NFXL1: variants seen among roughly 807,000 people sequenced by gnomAD.
The protein encoded by NFXL1 is nuclear transcription factor, X-box binding like 1.
NFXL1 carries 66 observed loss-of-function variants against 123.3 expected under a neutral mutation model. That is an observed-to-expected ratio of 0.54 (90% confidence interval 0.44 to 0.66). The LOEUF is 0.66. Ranked by LOEUF, NFXL1 falls within the 30% of genes least tolerant of loss-of-function variation. The pLI, the probability that NFXL1 is intolerant of heterozygous loss-of-function variation, is 0.00. For missense variants in NFXL1, 944 were observed against 1,125.6 expected (o/e 0.84, Z 2.31); for synonymous variants, 346 against 360.8 (o/e 0.96, Z 0.46).
chr4:47,885,330 C>T (rs1736360983), intron 14 of NFXL1, among the ~76,000 whole-genome samples, 168 bp downstream of exon 14: 1 of 152,146 alleles, frequency 6.6e-6, no homozygotes, highest in African/African-American at 2.4e-5. Flanking sequence ...TCCTTTCCTA[C>T]ACTGTGAGTT....
At chr4:47,875,427 C>T (rs1449134811) in intron 17 of NFXL1, 134 bp from the exon 18 acceptor site, 14 of 560,828 alleles carry the variant, frequency 2.5e-5, no homozygotes, top group Admixed American at 3.5e-5. Flanking sequence ...GTTAATCAAA[C>T]GGTACATGCT....
intron 15 of NFXL1, among the ~76,000 whole-genome samples, chr4:47,879,340 C>CA (rs1351000972): frequency 1.3e-5 from 2 of 151,876 alleles, no homozygotes; most frequent in African/African-American, 2.4e-5. Context: ...TACATTAGCA[C>CA]AAAAAATGAA....
At chr4:47,888,069 A>G (rs1209459961) in intron 12 of NFXL1, among the ~76,000 whole-genome samples, 1 of 152,110 alleles carries the variant, frequency 6.6e-6, no homozygotes, top group African/African-American at 2.4e-5. Context: ...AGGTCAGGAG[A>G]TCGAGACCAT....
intron 18 of NFXL1, among the ~76,000 whole-genome samples, chr4:47,870,135 G>T (rs1299900077): frequency 6.6e-6 from 1 of 152,008 alleles, no homozygotes; most frequent in Non-Finnish European, 1.5e-5. Context: ...TAATCCCAAT[G>T]ATACTACATA....
Position 47,898,002 on chromosome 4 carries a change from C to A in NFXL1, c.1169G>T (p.Arg390Leu), listed in dbSNP as rs372423597. ...CHVGACGECP[R>L]SGKRFCPCQK... ...ACATGGACAGAACCTTTTCCCAGAT[C>A]GAGGACATTCTCCACAAGCACCAAC... is the stretch of plus-strand genomic sequence containing the variant. Residue 390 changes from arginine (R) to leucine (L), a missense_variant, in exon 9 of 23, where the codon CGA becomes CTA. Coordinates refer to ENST00000507489, the MANE Select transcript of NFXL1 (RefSeq NM_001278624.2). The A allele has an allele frequency of 1.9e-6, 3 of 1,611,810 alleles. No individual in the cohort carries two copies. Among genetic ancestry groups the A allele is most frequent in the Non-Finnish European group, 1.7e-6 (2 of 1,179,078 alleles).
At chr4:47,847,239 A>G (rs982803913), downstream of NFXL1, 2 of 152,152 alleles carry the variant, frequency 1.3e-5, no homozygotes, top group Non-Finnish European at 2.9e-5. Context: ...TAGATTACAA[A>G]TTTGGTATCA....
chr4:47,868,783 A>G (rs537034367), intron 18 of NFXL1, among the ~76,000 whole-genome samples: 19 of 152,386 alleles, frequency 1.2e-4, no homozygotes, highest in Non-Finnish European at 1.5e-4. Flanking sequence ...AAGGGGATGC[A>G]TAAGAATTCA....
intron 15 of NFXL1, among the ~76,000 whole-genome samples, chr4:47,881,830 A>G: frequency 6.6e-6 from 1 of 152,222 alleles, no homozygotes; most frequent in East Asian, 1.9e-4. Context: ...GGAAAAGGCA[A>G]AACTACAGAG....
chr4:47,898,800 A>G lies in NFXL1; in HGVS notation c.1046T>C (p.Val349Ala). The G allele has an allele frequency of 6.2e-7, 1 of 1,613,892 alleles. No homozygotes were observed. Among genetic ancestry groups the G allele is most frequent in the Non-Finnish European group, 8.5e-7 (1 of 1,179,840 alleles). ...TGGACTTGCACAACTTCTTTCAGCT[A>G]CTTTTTTGCCACAGACACACTTTTG... is the stretch of plus-strand genomic sequence containing the variant. ...SRQKCVCGKK[V>A]AERSCASPLW... The change falls in exon 8 of 23, where the codon GTA (valine) becomes GCA (alanine). Residue 349 changes from valine to alanine, a missense_variant. Transcript: ENST00000507489.
intron 17 of NFXL1, among the ~76,000 whole-genome samples, chr4:47,876,745 T>C (rs1735779261): frequency 6.6e-6 from 1 of 152,102 alleles, no homozygotes; most frequent in South Asian, 2.1e-4. Flanking sequence ...ACTGCAGAAA[T>C]CTAAGTCAAA....
chr4:47,913,565 ATAAC>A (rs2110113383), intron 2 of NFXL1, among the ~76,000 whole-genome samples: 2 of 152,364 alleles, frequency 1.3e-5, no homozygotes, highest in African/African-American at 4.8e-5. Flanking sequence ...ATGCACAAAG[ATAAC>A]TAAAGCCACA....
chr4:47,857,898 G>A (rs1479215645), intron 19 of NFXL1, among the ~76,000 whole-genome samples: 1 of 152,128 alleles, frequency 6.6e-6, no homozygotes, highest in African/African-American at 2.4e-5. Flanking sequence ...CAGAGATCCT[G>A]CCTTTCCCAA....
At chr4:47,901,807 G>T (rs953624724) in intron 5 of NFXL1, among the ~76,000 whole-genome samples, 2 of 152,158 alleles carry the variant, frequency 1.3e-5, no homozygotes, top group African/African-American at 4.8e-5. Flanking sequence ...GGTAACAGGA[G>T]AATAAAATCT....
chr4:47,852,065 A>G, intron 20 of NFXL1, 123 bp from the exon 21 acceptor site: 2 of 581,342 alleles, frequency 3.4e-6, no homozygotes, highest in South Asian at 4.6e-5. Flanking sequence ...TTAATATTTA[A>G]TGATGATATA....
chr4:47,890,844 C>A, intron 11 of NFXL1, 141 bp from the exon 12 acceptor site: 2 of 584,480 alleles, frequency 3.4e-6, no homozygotes, highest in South Asian at 2.2e-5. Flanking sequence ...CAACATTCTT[C>A]TGGTAAGTAA....
chr4:47,885,708 T>C, intron 13 of NFXL1, 51 bp from the exon 14 acceptor site: 1 of 1,499,812 alleles, frequency 6.7e-7, no homozygotes, highest in Non-Finnish European at 9.2e-7. Flanking sequence ...ATTGAATAAT[T>C]ACATCTAAAG....
intron 5 of NFXL1, among the ~76,000 whole-genome samples, chr4:47,902,471 C>T (rs1022676584): frequency 3.3e-5 from 5 of 152,086 alleles, no homozygotes; most frequent in African/African-American, 1.2e-4. Flanking sequence ...GTATAATATA[C>T]ACCTGCAGTT....
chr4:47,910,794 G>T, intron 3 of NFXL1, 30 bp downstream of exon 3: 1 of 1,426,460 alleles, frequency 7.0e-7, no homozygotes, highest in Non-Finnish European at 9.4e-7. Context: ...TTTCATTGAC[G>T]TCAAAAGTCA....
chr4:47,887,523 T>G (rs1736514045), intron 12 of NFXL1, among the ~76,000 whole-genome samples: 1 of 152,200 alleles, frequency 6.6e-6, no homozygotes, highest in African/African-American at 2.4e-5. Context: ...CATATATTCT[T>G]GATGTTAATG....
Sources: allele counts gnomAD v4.1 joint callset (sites outside exome capture counted in the v4.1 genomes callset), GRCh38; gene constraint gnomAD v4.1.1; transcripts MANE v1.5; gene names NCBI Gene and HGNC (gene_info 2026-07-23, HGNC 2026-07-21).